Variants in CSTF3 observed in about 807,000 individuals in gnomAD.
The protein encoded by CSTF3 is cleavage stimulation factor subunit 3.
A neutral mutation model predicts 105.8 loss-of-function variants in CSTF3; 29 were observed. The ratio of observed to expected loss-of-function variants is 0.27; its 90% CI spans 0.20 to 0.37. The LOEUF (loss-of-function observed/expected upper bound fraction) is 0.37. CSTF3 is among the 10% of genes least tolerant of loss of function. The probability of loss-of-function intolerance (pLI) is 1.00; values close to 1 mark genes in which losing one functional copy is unlikely to be tolerated. For missense variants in CSTF3, 357 were observed against 879.3 expected (o/e 0.41, Z 7.51); for synonymous variants, 252 against 281.9 (o/e 0.89, Z 1.06).
At chr11:33,110,368 G>A (rs1855367670) in intron 3 of CSTF3, among the ~76,000 whole-genome samples, 2 of 152,198 alleles carry the variant, frequency 1.3e-5, no homozygotes, top group East Asian at 3.8e-4. Flanking sequence ...TTCGTCTGGG[G>A]TAAAGACATT....
intron 8 of CSTF3, 127 bp downstream of exon 8, chr11:33,105,440 G>C: frequency 1.1e-6 from 1 of 898,212 alleles, no homozygotes; most frequent in Non-Finnish European, 1.7e-6. Context: ...AAACATTATA[G>C]TGCTTTCATT....
Position 33,101,808 on chromosome 11 carries a change from T to TTA in CSTF3, c.826+367_826+368dup, listed in dbSNP as rs1298295263. On this transcript the variant is annotated intron_variant, in intron 10 of 20. Transcript: ENST00000323959. ...ATGTTGGAATTGGCAGATGAGGACT[T>TTA]TATAACTACTATTATAAATATGTTC... Among the ~76,000 whole-genome samples the TTA allele has an allele frequency of 2.0e-5, 3 of 152,084 alleles. No homozygotes were observed. The East Asian group carries it at 5.8e-4, about 29-fold the overall frequency.
intron 1 of CSTF3, 102 bp from the exon 2 acceptor site, chr11:33,142,088 C>G: frequency 6.5e-7 from 1 of 1,536,136 alleles, no homozygotes; most frequent in Non-Finnish European, 8.8e-7. Flanking sequence ...TGTCACATTA[C>G]AAAGCATAAA....
At chr11:33,092,746 A>G (rs920542655) in intron 15 of CSTF3, among the ~76,000 whole-genome samples, 1 of 152,244 alleles carries the variant, frequency 6.6e-6, no homozygotes, top group African/African-American at 2.4e-5. Flanking sequence ...GAAGGATGGC[A>G]AACTCAAACT....
intron 1 of CSTF3, among the ~76,000 whole-genome samples, chr11:33,142,713 C>T (rs1437837462): frequency 6.6e-6 from 1 of 152,026 alleles, no homozygotes; most frequent in African/African-American, 2.4e-5. Flanking sequence ...GATTGATTTA[C>T]AAATAAAACT....
intron 1 of CSTF3, among the ~76,000 whole-genome samples, chr11:33,157,079 G>A (rs556730796): frequency 2.6e-5 from 4 of 152,010 alleles, no homozygotes; most frequent in South Asian, 2.1e-4. Flanking sequence ...CAGGCTGGGC[G>A]CAGTGGCTCA....
chr11:33,122,350 A>C (rs1234411935), intron 3 of CSTF3, among the ~76,000 whole-genome samples: 1 of 152,202 alleles, frequency 6.6e-6, no homozygotes, highest in East Asian at 1.9e-4. Context: ...TTCTCTATAT[A>C]CATGACCTTA....
intron 3 of CSTF3, chr11:33,134,399 G>T (rs1855631758): frequency 6.6e-6 from 1 of 152,090 alleles, no homozygotes. Flanking sequence ...CCAAATACGG[G>T]AAGCACAAAA....
chr11:33,161,349 G>A lies in CSTF3; in HGVS notation c.-24C>T. 1.2e-6 allele frequency: 2 copies of A among 1,611,822 alleles called. No homozygotes were observed. Among genetic ancestry groups the A allele is most frequent in the Non-Finnish European group, 1.7e-6 (2 of 1,179,864 alleles). Reference sequence around the variant, plus strand: ...ATGGCCTCAGCTGATTACAACGTGCGCACTGACCGTCGATGGGAAGCTAGA... The same window carrying A: ...ATGGCCTCAGCTGATTACAACGTGCACACTGACCGTCGATGGGAAGCTAGA... On this transcript the variant is annotated 5_prime_UTR_variant, in exon 1 of 21. Transcript: ENST00000323959.
chr11:33,098,860 A>G (rs915861969), intron 12 of CSTF3, 96 bp from the exon 13 acceptor site: 4 of 1,248,218 alleles, frequency 3.2e-6, no homozygotes, highest in Non-Finnish European at 4.4e-6. Flanking sequence ...TCCCACCCCC[A>G]ATGGCATCTC....
chr11:33,128,265 C>A (rs1358512983), intron 3 of CSTF3, among the ~76,000 whole-genome samples: 1 of 152,030 alleles, frequency 6.6e-6, no homozygotes, highest in Non-Finnish European at 1.5e-5. Context: ...GTCATATTTT[C>A]CTCAATCGCT....
At chr11:33,127,519 T>C (rs1415980998) in intron 3 of CSTF3, among the ~76,000 whole-genome samples, 1 of 152,214 alleles carries the variant, frequency 6.6e-6, no homozygotes, top group Admixed American at 6.5e-5. Flanking sequence ...TTTATATTTC[T>C]CTCCTCATAC....
intron 3 of CSTF3, among the ~76,000 whole-genome samples, chr11:33,125,989 A>G (rs1413570975): frequency 6.6e-6 from 1 of 152,170 alleles, no homozygotes; most frequent in African/African-American, 2.4e-5. Flanking sequence ...AATCTGAGTA[A>G]CCTAACTCAC....
chr11:33,127,405 C>G (rs1217971345), intron 3 of CSTF3, among the ~76,000 whole-genome samples: 1 of 152,062 alleles, frequency 6.6e-6, no homozygotes, highest in Non-Finnish European at 1.5e-5. Context: ...ATCAAAGTTC[C>G]ATTATAATCC....
intron 1 of CSTF3, among the ~76,000 whole-genome samples, chr11:33,152,690 G>A (rs1849803342): frequency 6.6e-6 from 1 of 152,154 alleles, no homozygotes; most frequent in East Asian, 1.9e-4. Context: ...GCCGGGCGCG[G>A]TGACTCACGC....
At position 33,099,267 on chromosome 11, in the gene CSTF3, A is replaced by G; in HGVS notation, c.937-117T>C. On this transcript the variant is annotated intron_variant, in intron 11 of 20. Transcript: ENST00000323959. The surrounding 1 kb of genome is among the most constrained non-coding windows in gnomAD (Gnocchi z 4.1). ...TATGTGTCTAAGAAAGCATACATGT[A>G]TGTACACACATATATATGTATCCAC... is the stretch of plus-strand genomic sequence containing the variant. 3 of 1,204,244 alleles carry G rather than the reference A, an allele frequency of 2.5e-6. No individual in the cohort carries two copies. Among genetic ancestry groups the G allele is most frequent in the Non-Finnish European group, 3.5e-6 (3 of 868,840 alleles). The allele number at this position is 1,204,244 out of a possible 1,614,324, so 74.6% of individuals were successfully genotyped here. A position where few individuals can be genotyped will look rare whatever the true frequency, so the allele number is the denominator to read the frequency against.
chr11:33,086,339 G>T (rs552706192), intron 18 of CSTF3, among the ~76,000 whole-genome samples: 1 of 152,146 alleles, frequency 6.6e-6, no homozygotes, highest in Non-Finnish European at 1.5e-5. Flanking sequence ...TGTTCAAAAA[G>T]AATCTAGAGA....
At chr11:33,153,954 G>C (rs1338671466) in intron 1 of CSTF3, among the ~76,000 whole-genome samples, 2 of 152,110 alleles carry the variant, frequency 1.3e-5, no homozygotes, top group African/African-American at 4.8e-5. Context: ...TTTATAATGA[G>C]TATTTCTCGC....
At chr11:33,108,497 A>G in intron 3 of CSTF3, 79 bp from the exon 4 acceptor site, 1 of 1,166,442 alleles carries the variant, frequency 8.6e-7, no homozygotes, top group Non-Finnish European at 1.1e-6. Flanking sequence ...ATTTTTAACC[A>G]ACTTTGCAAA....
Sources: allele counts gnomAD v4.1 joint callset (sites outside exome capture counted in the v4.1 genomes callset), GRCh38; gene constraint gnomAD v4.1.1; non-coding constraint Gnocchi (gnomAD v3.1); transcripts MANE v1.5; gene names NCBI Gene and HGNC (gene_info 2026-07-23, HGNC 2026-07-21).